The following RBFOX1 variants were observed in gnomAD, a reference collection of about 807,000 sequenced individuals.
RBFOX1 encodes the protein RNA binding fox-1 homolog 1.
A neutral mutation model predicts 57.7 loss-of-function variants in RBFOX1; 8 were observed. That is an observed-to-expected ratio of 0.14 (90% CI 0.08 to 0.25). RBFOX1 has a LOEUF of 0.25. Among genes scored for constraint, RBFOX1 ranks in the 10% least tolerant of loss-of-function variants. RBFOX1 has a pLI of 1.00. For missense variants in RBFOX1, 611 were observed against 548.5 expected (o/e 1.11, Z -1.14); for synonymous variants, 326 against 222.4 (o/e 1.47, Z -4.15).
intron 3 of RBFOX1, among the ~76,000 whole-genome samples, chr16:5,829,767 G>A (rs921600730): frequency 5.3e-5 from 8 of 152,142 alleles, no homozygotes; most frequent in African/African-American, 1.4e-4. Context: ...TGCACCTGTT[G>A]CCCCAAAGGC....
chr16:7,510,523 A>G lies in RBFOX1; in HGVS notation c.28-7624A>G, dbSNP rs62012663. ...TGTGTGTGTGTGTGGGCGCGCGCGCACGCGCGCACGCGCGCTTTCTGCTTG... is the reference window on the plus strand; with the variant it reads ...TGTGTGTGTGTGTGGGCGCGCGCGCGCGCGCGCACGCGCGCTTTCTGCTTG... On this transcript the variant is annotated intron_variant, in intron 4 of 15. Transcript: ENST00000550418. Among the ~76,000 whole-genome samples, 1,204 of 135,582 alleles carry G rather than the reference A, an allele frequency of 8.9e-3. 10 individuals are homozygous for G. The highest frequency in any genetic ancestry group is 0.045 in the East Asian group (214 of 4,746). 88.9% of individuals were successfully genotyped at this position (135,582 alleles called of 152,430 possible).
At chr16:6,469,779 A>T (rs1276014744) in intron 2 of RBFOX1, among the ~76,000 whole-genome samples, 2 of 152,202 alleles carry the variant, frequency 1.3e-5, no homozygotes, top group African/African-American at 4.8e-5. Flanking sequence ...ATATTTAAGC[A>T]TCTCTGTATC....
intron 3 of RBFOX1, among the ~76,000 whole-genome samples, chr16:6,837,531 A>G (rs1603630660): frequency 6.6e-6 from 1 of 152,210 alleles, no homozygotes; most frequent in Admixed American, 6.5e-5. Context: ...AATTGGGAAG[A>G]CTATAATAAA....
At chr16:5,746,839 G>A (rs1012106287) in intron 3 of RBFOX1, among the ~76,000 whole-genome samples, 1 of 152,186 alleles carries the variant, frequency 6.6e-6, no homozygotes, top group Non-Finnish European at 1.5e-5. Context: ...GAGATTTTGG[G>A]CTGAGATGGT....
chr16:6,972,597 G>A (rs983572574), intron 3 of RBFOX1, among the ~76,000 whole-genome samples: 3 of 151,986 alleles, frequency 2.0e-5, no homozygotes, highest in African/African-American at 4.8e-5. Flanking sequence ...GAATGTTCTG[G>A]GAGAAGTGGA....
chr16:6,979,151 C>G (rs769879535), intron 3 of RBFOX1, among the ~76,000 whole-genome samples: 25 of 152,158 alleles, frequency 1.6e-4, no homozygotes, highest in Non-Finnish European at 2.6e-4. Context: ...GAATTCAAAT[C>G]TTAGTTCTAG....
At chr16:5,588,488 CT>C (rs200184911) in intron 2 of RBFOX1, among the ~76,000 whole-genome samples, 1 of 152,134 alleles carries the variant, frequency 6.6e-6, no homozygotes, top group South Asian at 2.1e-4. Context: ...TAGCATTCTG[CT>C]TTTTTTTCTA....
chr16:6,887,828 A>C (rs547233987), intron 3 of RBFOX1, among the ~76,000 whole-genome samples: 4 of 151,956 alleles, frequency 2.6e-5, no homozygotes, highest in African/African-American at 9.6e-5. Flanking sequence ...ACACCTGGCT[A>C]ATTTTTATAT....
chr16:6,964,486 A>C (rs2083675996), intron 3 of RBFOX1, among the ~76,000 whole-genome samples: 1 of 152,158 alleles, frequency 6.6e-6, no homozygotes, highest in Non-Finnish European at 1.5e-5. Context: ...TATGGTTATC[A>C]ACTGTAACAA....
At chr16:7,074,988 A>G (rs2058040915) in intron 4 of RBFOX1, among the ~76,000 whole-genome samples, 1 of 152,138 alleles carries the variant, frequency 6.6e-6, no homozygotes, top group African/African-American at 2.4e-5. Flanking sequence ...AATCAAAGGG[A>G]AGTCAAAGGG....
intron 3 of RBFOX1, among the ~76,000 whole-genome samples, chr16:5,642,539 T>G (rs978086388): frequency 6.6e-6 from 1 of 152,164 alleles, no homozygotes; most frequent in African/African-American, 2.4e-5. Context: ...AATGAAAATT[T>G]CACATAAGCA....
At chr16:7,110,672 T>C (rs142903870) in intron 4 of RBFOX1, among the ~76,000 whole-genome samples, 188 of 152,248 alleles carry the variant, frequency 1.2e-3, no homozygotes, top group African/African-American at 4.5e-3. Flanking sequence ...TCATTCACCA[T>C]AGTTAAATGA....
At position 6,251,097 on chromosome 16, in the gene RBFOX1, C is replaced by T. The variant is rs145602404; in HGVS notation, c.-126-65898C>T. On this transcript the variant is annotated intron_variant, in intron 1 of 15. Coordinates refer to ENST00000550418, the MANE Select transcript of RBFOX1 (RefSeq NM_018723.4). ...TTAATGAGAGCTTGTCATGATATAGCCATTGTGTTCAGCTCTTAATCTTAA... is the reference window on the plus strand; with the variant it reads ...TTAATGAGAGCTTGTCATGATATAGTCATTGTGTTCAGCTCTTAATCTTAA... Among the ~76,000 whole-genome samples the T allele has an allele frequency of 2.2e-4, 34 of 152,208 alleles. No homozygotes were observed. In the East Asian group the frequency reaches 6.2e-3, roughly 28 times the overall value.
chr16:6,243,093 G>A (rs996203516), intron 1 of RBFOX1, among the ~76,000 whole-genome samples: 1 of 151,800 alleles, frequency 6.6e-6, no homozygotes, highest in African/African-American at 2.4e-5. Context: ...AGAGTCTTAT[G>A]ATATTCTTAT....
At chr16:7,100,839 A>G (rs955987312) in intron 4 of RBFOX1, among the ~76,000 whole-genome samples, 3 of 152,184 alleles carry the variant, frequency 2.0e-5, no homozygotes, top group African/African-American at 7.2e-5. Flanking sequence ...AAATTGAGAA[A>G]TGTTTTGCAA....
intron 10 of RBFOX1, among the ~76,000 whole-genome samples, chr16:7,611,757 G>A (rs1157461305): frequency 6.6e-6 from 1 of 152,026 alleles, no homozygotes; most frequent in African/African-American, 2.4e-5. Flanking sequence ...TCCCTCACAC[G>A]TGCCTTCCAG....
chr16:7,710,918 G>T lies in RBFOX1; in HGVS notation c.*173G>T. On this transcript the variant is annotated 3_prime_UTR_variant, in exon 16 of 16. Transcript: ENST00000550418. ...TCTTATACCTCAGATATTTTGTTCTGTGTATTTTAATATTGTGGGTCTTTA... is the reference window on the plus strand; with the variant it reads ...TCTTATACCTCAGATATTTTGTTCTTTGTATTTTAATATTGTGGGTCTTTA... 2 of 772,464 alleles carry T rather than the reference G, an allele frequency of 2.6e-6. No homozygotes were observed. The highest frequency in any genetic ancestry group is 3.6e-6 in the Non-Finnish European group (2 of 553,782). 47.9% of individuals were successfully genotyped at this position (772,464 alleles called of 1,614,324 possible).
At chr16:6,681,134 G>T (rs567745666) in intron 3 of RBFOX1, among the ~76,000 whole-genome samples, 57 of 152,098 alleles carry the variant, frequency 3.7e-4, no homozygotes, top group African/African-American at 1.3e-3. Context: ...AACATGGTGA[G>T]ACCCCCATCT....
At chr16:7,036,781 A>C (rs961054894) in intron 3 of RBFOX1, among the ~76,000 whole-genome samples, 2 of 152,176 alleles carry the variant, frequency 1.3e-5, no homozygotes, top group Admixed American at 6.5e-5. Flanking sequence ...GTAAAGTGAA[A>C]GCAAGTTTAT....
Sources: gnomAD v4.1 joint callset for allele counts (sites outside exome capture counted in the v4.1 genomes callset) on GRCh38, gnomAD v4.1.1 for gene constraint, MANE v1.5 for transcripts, NCBI Gene and HGNC (gene_info 2026-07-23, HGNC 2026-07-21) for gene names.